Variants in IMMP2L observed in about 807,000 individuals in gnomAD.
The protein encoded by IMMP2L is inner mitochondrial membrane peptidase subunit 2.
IMMP2L carries 18 observed loss-of-function variants against 19.3 expected under a neutral mutation model. The ratio of observed to expected loss-of-function variants is 0.93; its 90% confidence interval spans 0.64 to 1.38. The LOEUF (loss-of-function observed/expected upper bound fraction) is 1.38, where lower values mean the gene tolerates loss of function less well. Ranked by LOEUF, IMMP2L falls within the 40% of genes most tolerant of loss-of-function variation. The pLI is 0.00. For missense variants in IMMP2L, 233 were observed against 218.2 expected (o/e 1.07, Z -0.43); for synonymous variants, 76 against 73.0 (o/e 1.04, Z -0.21).
At chr7:111,553,967 C>G (rs937193579) in intron 1 of IMMP2L, among the ~76,000 whole-genome samples, 2 of 152,166 alleles carry the variant, frequency 1.3e-5, no homozygotes, top group Non-Finnish European at 2.9e-5. Flanking sequence ...TACTACCATC[C>G]TATTTTTCAA....
chr7:111,438,785 C>A (rs1215922781), intron 3 of IMMP2L, among the ~76,000 whole-genome samples: 1 of 151,786 alleles, frequency 6.6e-6, no homozygotes, highest in East Asian at 1.9e-4. Flanking sequence ...CTAAACACAG[C>A]CCTCTCATTC....
At chr7:111,002,533 A>C (rs1376332176) in intron 3 of IMMP2L, among the ~76,000 whole-genome samples, 1 of 152,138 alleles carries the variant, frequency 6.6e-6, no homozygotes, top group Non-Finnish European at 1.5e-5. Flanking sequence ...TCAAATCTTA[A>C]GCTTTGAGTT....
At chr7:111,163,413 A>G (rs916345416) in intron 3 of IMMP2L, among the ~76,000 whole-genome samples, 1 of 152,042 alleles carries the variant, frequency 6.6e-6, no homozygotes, top group Non-Finnish European at 1.5e-5. Flanking sequence ...TACTGCAACT[A>G]TTTATTACCG....
At chr7:111,450,172 G>T (rs1316827595) in intron 3 of IMMP2L, among the ~76,000 whole-genome samples, 1 of 151,440 alleles carries the variant, frequency 6.6e-6, no homozygotes, top group Non-Finnish European at 1.5e-5. Flanking sequence ...CCCCCATCAA[G>T]CTACCAATGA....
At chr7:110,840,269 T>C (rs1804936914) in intron 5 of IMMP2L, among the ~76,000 whole-genome samples, 1 of 152,144 alleles carries the variant, frequency 6.6e-6, no homozygotes, top group African/African-American at 2.4e-5. Context: ...CATCCCGGTT[T>C]TCTGTTATCC....
At chr7:110,916,900 C>CA (rs972850705) in intron 4 of IMMP2L, among the ~76,000 whole-genome samples, 5 of 152,154 alleles carry the variant, frequency 3.3e-5, no homozygotes, top group Non-Finnish European at 5.9e-5. Context: ...AAATGAATCA[C>CA]AAAAAAGATG....
In IMMP2L at chr7:111,026,470, A is replaced by G. The variant is rs562795192; in HGVS notation, c.240-62905T>C. ...TGCCCTCAAATGCCATTATGAGTGT[A>G]TAACAGAGAGGGGAAAATGTGCAAT... On this transcript the variant is annotated intron_variant, in intron 3 of 5. Coordinates refer to ENST00000405709, the MANE Select transcript of IMMP2L (RefSeq NM_032549.4). Among the ~76,000 whole-genome samples, 38 of 152,268 alleles carry G rather than the reference A, an allele frequency of 2.5e-4. 2 individuals carry two copies. The highest frequency in any genetic ancestry group is 8.2e-4 in the African/African-American group (34 of 41,566).
intron 3 of IMMP2L, among the ~76,000 whole-genome samples, chr7:111,264,865 T>C (rs1266310512): frequency 1.3e-5 from 2 of 152,072 alleles, no homozygotes; most frequent in East Asian, 3.9e-4. Flanking sequence ...TACAGCATGA[T>C]ATGCTGTAGG....
chr7:111,530,942 A>G (rs1045460114), intron 1 of IMMP2L, among the ~76,000 whole-genome samples: 3 of 151,928 alleles, frequency 2.0e-5, no homozygotes, highest in Non-Finnish European at 4.4e-5. Flanking sequence ...CAAGTGAGAC[A>G]TAAGACTGAA....
chr7:111,412,198 A>C lies in IMMP2L; in HGVS notation c.239+75040T>G, dbSNP rs568474962. Among the ~76,000 whole-genome samples, 10 of 151,988 alleles carry C rather than the reference A, an allele frequency of 6.6e-5. No homozygotes were observed. In the South Asian group the frequency reaches 2.1e-3, roughly 32 times the overall value. On this transcript the variant is annotated intron_variant, in intron 3 of 5. Coordinates refer to ENST00000405709, the MANE Select transcript of IMMP2L (RefSeq NM_032549.4). ...ACTAGAACTGAAAGGAAAAAAAAGAAACCCATAATAATAGCTGGAGATTTC... is the reference window on the plus strand; with the variant it reads ...ACTAGAACTGAAAGGAAAAAAAAGACACCCATAATAATAGCTGGAGATTTC...
chr7:110,887,600 A>G (rs946732149), intron 4 of IMMP2L, among the ~76,000 whole-genome samples: 1 of 152,044 alleles, frequency 6.6e-6, no homozygotes, highest in Admixed American at 6.6e-5. Flanking sequence ...GCAAAAAAAA[A>G]AAAAATAATT....
intron 2 of IMMP2L, among the ~76,000 whole-genome samples, chr7:111,507,269 T>G (rs1194256572): frequency 2.0e-5 from 3 of 152,154 alleles, no homozygotes; most frequent in Non-Finnish European, 2.9e-5. Flanking sequence ...CCCAAAAAAG[T>G]TCTGGGCACC....
chr7:111,138,692 A>C (rs1166704183), intron 3 of IMMP2L, among the ~76,000 whole-genome samples: 1 of 152,212 alleles, frequency 6.6e-6, no homozygotes, highest in Non-Finnish European at 1.5e-5. Flanking sequence ...ATTAGAGATA[A>C]GGTCCTGCCA....
At chr7:111,410,403 C>T (rs1834296570) in intron 3 of IMMP2L, among the ~76,000 whole-genome samples, 1 of 151,166 alleles carries the variant, frequency 6.6e-6, no homozygotes, top group East Asian at 1.9e-4. Flanking sequence ...AAAAGAAAAA[C>T]CAAAATGTAA....
intron 3 of IMMP2L, among the ~76,000 whole-genome samples, chr7:111,197,267 C>A (rs1015104071): frequency 4.6e-5 from 7 of 151,970 alleles, no homozygotes; most frequent in Non-Finnish European, 1.0e-4. Context: ...TGGATACCAT[C>A]CTGGCTAACA....
intron 3 of IMMP2L, among the ~76,000 whole-genome samples, chr7:111,053,771 C>A (rs569742862): frequency 6.6e-6 from 1 of 152,248 alleles, no homozygotes; most frequent in African/African-American, 2.4e-5. Context: ...GTGCCAAATG[C>A]ACCAAATAAT....
chr7:111,148,596 A>C (rs2129601595), intron 3 of IMMP2L, among the ~76,000 whole-genome samples: 1 of 152,178 alleles, frequency 6.6e-6, no homozygotes, highest in East Asian at 1.9e-4. Context: ...ACTATTTAAA[A>C]AAGACATATT....
chr7:111,421,262 T>C (rs1835495461), intron 3 of IMMP2L, among the ~76,000 whole-genome samples: 1 of 142,326 alleles, frequency 7.0e-6, no homozygotes, highest in Admixed American at 6.8e-5. Context: ...GTTGTTTGTT[T>C]TTTTCTTTTT....
intron 3 of IMMP2L, among the ~76,000 whole-genome samples, chr7:111,440,390 T>C (rs960672886): frequency 6.6e-6 from 1 of 151,932 alleles, no homozygotes; most frequent in Non-Finnish European, 1.5e-5. Context: ...AGGATGGATA[T>C]TGTTAGCAAG....
Sources: gnomAD v4.1 joint callset for allele counts (sites outside exome capture counted in the v4.1 genomes callset) on GRCh38, gnomAD v4.1.1 for gene constraint, MANE v1.5 for transcripts, NCBI Gene and HGNC (gene_info 2026-07-23, HGNC 2026-07-21) for gene names.